Variants in VWDE observed in about 807,000 individuals in gnomAD.
The protein encoded by VWDE is von Willebrand factor D and EGF domains.
In VWDE, 207 loss-of-function variants were observed where a neutral mutation model predicts 178.4. That is an observed-to-expected ratio of 1.16 (90% CI 1.04 to 1.30). The LOEUF (loss-of-function observed/expected upper bound fraction) is 1.30, where lower values mean the gene tolerates loss of function less well. Ranked by LOEUF, VWDE falls within the 50% of genes most tolerant of loss-of-function variation. The probability of loss-of-function intolerance (pLI) is 0.00; values close to 1 mark genes in which losing one functional copy is unlikely to be tolerated. For missense variants in VWDE, 2,287 were observed against 1,901.3 expected (o/e 1.20, Z -3.77); for synonymous variants, 738 against 651.4 (o/e 1.13, Z -2.02).
At chr7:12,369,031 C>A (rs1783009305) in intron 12 of VWDE, among the ~76,000 whole-genome samples, 1 of 152,046 alleles carries the variant, frequency 6.6e-6, no homozygotes, top group South Asian at 2.1e-4. Context: ...TTTACAGTTT[C>A]TTTGTCTAAC....
chr7:12,331,087 G>A lies in VWDE; in HGVS notation c.*96C>T. ...TCAGTCTTTAAGATATTTTTTGAATGATGTTCAAATAAACTCCAAGTTATC... is the reference window on the plus strand; with the variant it reads ...TCAGTCTTTAAGATATTTTTTGAATAATGTTCAAATAAACTCCAAGTTATC... On this transcript the variant is annotated 3_prime_UTR_variant, in exon 29 of 29. Transcript: ENST00000275358. 1 of 895,144 alleles carries A rather than the reference G, an allele frequency of 1.1e-6. No individual in the cohort carries two copies. Among genetic ancestry groups the A allele is most frequent in the Non-Finnish European group, 1.7e-6 (1 of 588,378 alleles). 55.5% of individuals were successfully genotyped at this position (895,144 alleles called of 1,614,324 possible). A position where few individuals can be genotyped will look rare whatever the true frequency, so the allele number is the denominator to read the frequency against.
Position 12,370,408 on chromosome 7 carries a change from G to T in VWDE, c.1898C>A (p.Pro633Gln). The T allele has an allele frequency of 6.5e-7, 1 of 1,548,004 alleles. No individual in the cohort carries two copies. The highest frequency in any genetic ancestry group is 1.2e-5 in the South Asian group (1 of 84,058). ...AACACTGTCCAGATCTTCGGAAGAC[G>T]GATACGCTGCAGTGTCCAATGAACA... ...CSCSLDTAAY[P>Q]SSEDLDSVSR... Residue 633 changes from proline (P) to glutamine (Q), a missense_variant, in exon 12 of 29, where the codon CCG (proline) becomes CAG (glutamine). By Grantham distance (76) the Pro-to-Gln change is moderately conservative (BLOSUM62 -1). Coordinates refer to ENST00000275358, the MANE Select transcript of VWDE (RefSeq NM_001135924.3).
intron 1 of VWDE, among the ~76,000 whole-genome samples, chr7:12,402,631 T>C (rs1366314212): frequency 6.6e-6 from 1 of 152,240 alleles, no homozygotes; most frequent in South Asian, 2.1e-4. Context: ...TATATGTTAT[T>C]ACATGTATTT....
chr7:12,334,454 G>T (rs1780902504), intron 27 of VWDE, among the ~76,000 whole-genome samples: 2 of 974 alleles, frequency 2.1e-3, no homozygotes, highest in Non-Finnish European at 3.0e-3. Context: ...CATTGACAGG[G>T]TTGTTTTCAT....
chr7:12,363,134 C>A (rs1782675660), intron 13 of VWDE, among the ~76,000 whole-genome samples: 1 of 151,852 alleles, frequency 6.6e-6, no homozygotes, highest in African/African-American at 2.4e-5. Context: ...TTAAAAGAGA[C>A]TCAAATAAGA....
At chr7:12,400,005 G>C (rs1476380602) in intron 1 of VWDE, among the ~76,000 whole-genome samples, 1 of 152,032 alleles carries the variant, frequency 6.6e-6, no homozygotes, top group Non-Finnish European at 1.5e-5. Flanking sequence ...AAGAAAATTA[G>C]AAAATACTTG....
chr7:12,364,896 GATCAAA>G lies in VWDE; in HGVS notation c.2898+2455_2898+2460del, dbSNP rs1215995797. Among the ~76,000 whole-genome samples, 4 of 152,180 alleles carry G rather than the reference GATCAAA, an allele frequency of 2.6e-5. No individual in the cohort carries two copies. The Middle Eastern group carries it at 0.01, about 388-fold the overall frequency. ...CATGGCAAAAACCCCTTAAGTAAGT[GATCAAA>G]ATTTACATTGCCCGTGATTAGATAC... On this transcript the variant is annotated intron_variant, in intron 13 of 28. Coordinates refer to ENST00000275358, the MANE Select transcript of VWDE (RefSeq NM_001135924.3).
Position 12,361,359 on chromosome 7 carries a change from T to G in VWDE, c.3054+7A>C. The G allele has an allele frequency of 1.3e-6, 2 of 1,546,072 alleles. No homozygotes were observed. The highest frequency in any genetic ancestry group is 2.4e-5 in the South Asian group (2 of 82,730). ...TATAAATATGAAGATGTCTTTTTATTTTTTACCTTCAACTGCCACTTCCCA... is the reference window on the plus strand; with the variant it reads ...TATAAATATGAAGATGTCTTTTTATGTTTTACCTTCAACTGCCACTTCCCA... On this transcript the variant is annotated splice_region_variant and intron_variant, in intron 14 of 28. Transcript: ENST00000275358.
intron 18 of VWDE, among the ~76,000 whole-genome samples, chr7:12,355,552 C>A (rs928858365): frequency 2.0e-5 from 3 of 152,026 alleles, no homozygotes; most frequent in South Asian, 2.1e-4. Flanking sequence ...ATATTTACAT[C>A]TATTAAATGT....
intron 17 of VWDE, 31 bp downstream of exon 17, chr7:12,357,234 C>G (rs1479886958): frequency 1.3e-6 from 2 of 1,540,006 alleles, no homozygotes; most frequent in Non-Finnish European, 1.8e-6. Context: ...GCAAAAGAAT[C>G]CAGTGGCACT....
Position 12,382,821 on chromosome 7 carries a change from A to G in VWDE, c.541+715T>C, listed in dbSNP as rs1028569922. On this transcript the variant is annotated intron_variant, in intron 4 of 28. Transcript: ENST00000275358. ...AGATGACATACATTTTATCACTTAG[A>G]TAATCTACTTAGAGTAATTTATTTT... Among the ~76,000 whole-genome samples, 12 of 152,068 alleles carry G rather than the reference A, an allele frequency of 7.9e-5. No individual in the cohort carries two copies. In the East Asian group the frequency reaches 1.9e-3, roughly 24 times the overall value.
At position 12,394,530 on chromosome 7, in the gene VWDE, A is replaced by C. The variant is rs10266368; in HGVS notation, c.59-752T>G. Among the ~76,000 whole-genome samples, 44 of 152,092 alleles carry C rather than the reference A, an allele frequency of 2.9e-4. 1 individual carries two copies. In the East Asian group the frequency reaches 8.6e-3, roughly 30 times the overall value. On this transcript the variant is annotated intron_variant, in intron 1 of 28. Coordinates refer to ENST00000275358, the MANE Select transcript of VWDE (RefSeq NM_001135924.3). ...TGAAATCCACAGAGGCCGAACAAAA[A>C]GCTCCACTTTCCAGCACTAAAAGTG...
At chr7:12,339,477 G>A (rs780078751) in intron 24 of VWDE, among the ~76,000 whole-genome samples, 15 of 152,008 alleles carry the variant, frequency 9.9e-5, no homozygotes, top group Non-Finnish European at 1.8e-4. Flanking sequence ...AAAGGAATAC[G>A]AATTACAGGA....
chr7:12,370,665 T>C lies in VWDE; in HGVS notation c.1787A>G (p.Asn596Ser). 6.4e-7 allele frequency: 1 copy of C among 1,550,870 alleles called. No homozygotes were observed. The highest frequency in any genetic ancestry group is 8.7e-7 in the Non-Finnish European group (1 of 1,146,574). The change falls in exon 11 of 29, where the codon AAT (asparagine) becomes AGT (serine). Residue 596 changes from asparagine to serine, a missense_variant. By Grantham distance (46) the Asn-to-Ser change is conservative (BLOSUM62 1). Transcript: ENST00000275358. ...AAAAATAGTGTCTTACCTCCATTCA[T>C]TAATAAAAGCAACATAATTGTTAAA... The part of the protein sequence containing the change: ...QNFNNYVAFI[N>S]EWRILPGKSM...
intron 13 of VWDE, among the ~76,000 whole-genome samples, chr7:12,364,284 C>A (rs1782741677): frequency 6.6e-6 from 1 of 151,986 alleles, no homozygotes; most frequent in Non-Finnish European, 1.5e-5. Flanking sequence ...GGATTAACTA[C>A]CCTGTAACAA....
In VWDE at chr7:12,389,322, A is replaced by G; in HGVS notation, c.280T>C (p.Ser94Pro). Residue 94 changes from serine to proline, a missense_variant, in exon 3 of 29, where the codon TCT (serine) becomes CCT (proline). Coordinates refer to ENST00000275358, the MANE Select transcript of VWDE (RefSeq NM_001135924.3). ...HCGTQAPIWL[S>P]LRDSETLPSP... is the part of the protein sequence containing the mutation. The stretch of plus-strand genomic sequence containing the variant: ...GGCAGTGTTTCTGAATCTCTCAGAG[A>G]CAGCCAGATGGGGGCCTGAGTTCCA... The G allele has an allele frequency of 1.2e-5, 19 of 1,550,472 alleles. No individual in the cohort carries two copies. The highest frequency in any genetic ancestry group is 1.7e-5 in the Non-Finnish European group (19 of 1,145,954).
rs1247270138 is a variant in VWDE at position 12,370,182 on chromosome 7, G to A, written c.2124C>T (p.Gly708=). The change falls in exon 12 of 29, where the codon GGC becomes GGT. Residue 708 remains glycine (G), a synonymous_variant. Coordinates refer to ENST00000275358, the MANE Select transcript of VWDE (RefSeq NM_001135924.3). ...EKKHINLTKL[G]LNVQKHPGNE... ...TTCCAGGATGTTTTTGTACATTTAA[G>A]CCGAGTTTAGTCAGGTTTATGTGTT... The A allele has an allele frequency of 3.9e-6, 6 of 1,551,218 alleles. No individual in the cohort carries two copies. The African/African-American group carries it at 8.2e-5, about 21-fold the overall frequency.
At chr7:12,332,270 G>T (rs1327925286) in intron 28 of VWDE, among the ~76,000 whole-genome samples, 1 of 152,080 alleles carries the variant, frequency 6.6e-6, no homozygotes, top group African/African-American at 2.4e-5. Context: ...GGTTACAGTA[G>T]AACAGGACAT....
Position 12,389,238 on chromosome 7 carries a change from T to C in VWDE, c.364A>G (p.Thr122Ala), listed in dbSNP as rs182385523. Residue 122 changes from threonine (T) to alanine (A), a missense_variant, in exon 3 of 29, where the codon ACT (threonine) becomes GCT (alanine). Physicochemically the swap from Thr to Ala is moderately conservative, Grantham distance 58. Transcript: ENST00000275358. ...ACATWQFLFSTTKDCCLFQIP... is the reference protein window; with the variant it reads ...ACATWQFLFSATKDCCLFQIP... ...TGAAAGAGACAGCAGTCTTTTGTAG[T>C]GCTGAACAAAAACTGCCATGTTGCA... 75 of 1,551,590 alleles carry C rather than the reference T, an allele frequency of 4.8e-5. No homozygotes were observed. The highest frequency in any genetic ancestry group is 6.0e-5 in the Non-Finnish European group (69 of 1,146,996).
Sources: allele counts gnomAD v4.1 joint callset (sites outside exome capture counted in the v4.1 genomes callset), GRCh38; gene constraint gnomAD v4.1.1; transcripts MANE v1.5; gene names NCBI Gene and HGNC (gene_info 2026-07-23, HGNC 2026-07-21).